Variants in DEPDC5 observed in about 807,000 individuals in gnomAD.
DEPDC5 encodes the protein DEP domain containing 5, GATOR1 subcomplex subunit.
Under a neutral mutation model 217.3 loss-of-function variants are expected in DEPDC5, and 73 were observed. That is an observed-to-expected ratio of 0.34 (90% CI 0.28 to 0.41). DEPDC5 has a LOEUF of 0.41. DEPDC5 is among the 10% of genes least tolerant of loss of function. The pLI, the probability that DEPDC5 is intolerant of heterozygous loss-of-function variation, is 1.00. For missense variants in DEPDC5, 1,675 were observed against 2,070.1 expected, an observed-to-expected ratio of 0.81 and a Z score of 3.70; for synonymous variants, 733 against 756.7, an observed-to-expected ratio of 0.97 and a Z score of 0.51.
In DEPDC5 at chr22:31,756,921, TAAA is replaced by T. The variant is rs1034148076; in HGVS notation, c.59-1620_59-1618del. ...GGGCAATAGAGCAAGACCCTGTCTT[TAAA>T]AAAATAAAAAATAATAAAAAAAAAA... On this transcript the variant is annotated intron_variant, in intron 2 of 42. Transcript: ENST00000651528. Among the ~76,000 whole-genome samples, 230 of 150,056 alleles carry T rather than the reference TAAA, an allele frequency of 1.5e-3. 1 individual carries two copies. The highest frequency in any genetic ancestry group is 5.4e-3 in the African/African-American group (217 of 40,394).
Position 31,881,048 on chromosome 22 carries a change from A to G in DEPDC5, c.4033+1296A>G, listed in dbSNP as rs371184371. Among the ~76,000 whole-genome samples, 8 of 148,238 alleles carry G rather than the reference A, an allele frequency of 5.4e-5. 1 individual carries two copies. The highest frequency in any genetic ancestry group is 1.0e-4 in the Non-Finnish European group (7 of 66,896). On this transcript the variant is annotated intron_variant, in intron 38 of 42. Coordinates refer to ENST00000651528, the MANE Select transcript of DEPDC5 (RefSeq NM_001242896.3). Reference sequence around the variant, plus strand: ...AAAAAAGGGCCAAACGCTGTGGCTCATGCCTGTAGCCCAGCACTTTGGGAG... The same window carrying G: ...AAAAAAGGGCCAAACGCTGTGGCTCGTGCCTGTAGCCCAGCACTTTGGGAG...
At chr22:31,845,338 C>T in intron 30 of DEPDC5, 101 bp downstream of exon 30, 2 of 1,404,636 alleles carry the variant, frequency 1.4e-6, no homozygotes, top group Non-Finnish European at 1.9e-6. Context: ...TTATTTACTC[C>T]TCAGCTGCCC....
In DEPDC5 at chr22:31,870,640, C is replaced by T; in HGVS notation, c.3381C>T (p.Gly1127=). The T allele has an allele frequency of 6.2e-7, 1 of 1,601,476 alleles. No homozygotes were observed. Among genetic ancestry groups the T allele is most frequent in the Non-Finnish European group, 8.5e-7 (1 of 1,174,704 alleles). The change falls in exon 34 of 43, where the codon GGC becomes GGT. Residue 1127 remains glycine, a synonymous_variant. Coordinates refer to ENST00000651528, the MANE Select transcript of DEPDC5 (RefSeq NM_001242896.3). ...ATPMLDGTSL[G]ICTGQSMDRG... ...CTATGTTGGACGGCACCAGTTTGGG[C>T]ATATGCACAGGCCAATCCATGGACA...
chr22:31,767,574 C>T (rs182348863), intron 6 of DEPDC5, among the ~76,000 whole-genome samples: 47 of 150,606 alleles, frequency 3.1e-4, no homozygotes, highest in Admixed American at 7.9e-4. Context: ...GGATTACAGG[C>T]GTGAGCCACC....
chr22:31,798,532 A>T, intron 13 of DEPDC5, 50 bp from the exon 14 acceptor site: 1 of 1,525,734 alleles, frequency 6.6e-7, no homozygotes, highest in Non-Finnish European at 9.0e-7. Flanking sequence ...TAAAAAAAAA[A>T]GTTCATGTTT....
At chr22:31,878,051 G>A (rs1335015139) in intron 37 of DEPDC5, among the ~76,000 whole-genome samples, 2 of 152,044 alleles carry the variant, frequency 1.3e-5, no homozygotes, top group Non-Finnish European at 2.9e-5. Context: ...GCTGGGCGTG[G>A]TGGCGCACGC....
chr22:31,764,280 A>G (rs1471878379), intron 4 of DEPDC5, among the ~76,000 whole-genome samples: 2 of 152,074 alleles, frequency 1.3e-5, no homozygotes, highest in African/African-American at 2.4e-5. Context: ...GCCCCATGTT[A>G]CGTTTCTTAC....
intron 37 of DEPDC5, among the ~76,000 whole-genome samples, chr22:31,877,312 C>G (rs2093021757): frequency 7.1e-6 from 1 of 141,164 alleles, no homozygotes; most frequent in Admixed American, 7.1e-5. Context: ...CGGCAGGCAC[C>G]TGTAATCCCA....
intron 29 of DEPDC5, 192 bp from the exon 30 acceptor site, chr22:31,844,826 A>T (rs2091628246): frequency 1.6e-6 from 1 of 613,600 alleles, no homozygotes; most frequent in African/African-American, 1.9e-5. Flanking sequence ...AAGTGCTGGG[A>T]TTATAGGTGT....
At position 31,874,511 on chromosome 22, in the gene DEPDC5, G is replaced by T. The variant is rs1040575241; in HGVS notation, c.3696+106G>T. 2.1e-6 allele frequency: 3 copies of T among 1,407,088 alleles called. No homozygotes were observed. The African/African-American group carries it at 4.4e-5, about 21-fold the overall frequency. 87.2% of individuals were successfully genotyped at this position (1,407,088 alleles called of 1,614,324 possible). A position where few individuals can be genotyped will look rare whatever the true frequency, so the allele number is the denominator to read the frequency against. On this transcript the variant is annotated intron_variant, in intron 36 of 42. Coordinates refer to ENST00000651528, the MANE Select transcript of DEPDC5 (RefSeq NM_001242896.3). Reference sequence around the variant, plus strand: ...TCCAGTAATGAGATCTGCAGGTTGGGGTGAGGATTTTTTTTAATAAGTGGG... The same window carrying T: ...TCCAGTAATGAGATCTGCAGGTTGGTGTGAGGATTTTTTTTAATAAGTGGG...
chr22:31,881,455 T>C (rs1486113986), intron 38 of DEPDC5, among the ~76,000 whole-genome samples: 1 of 152,128 alleles, frequency 6.6e-6, no homozygotes, highest in Non-Finnish European at 1.5e-5. Context: ...CATGACTTGC[T>C]CTTCTCCCTT....
intron 13 of DEPDC5, among the ~76,000 whole-genome samples, chr22:31,798,096 T>A (rs867786820): frequency 1.3e-5 from 2 of 152,096 alleles, no homozygotes; most frequent in Non-Finnish European, 2.9e-5. Context: ...AATTTTTTCA[T>A]TTTTTTGTAG....
chr22:31,844,377 C>T (rs1281206450), intron 29 of DEPDC5, among the ~76,000 whole-genome samples: 1 of 152,156 alleles, frequency 6.6e-6, no homozygotes, highest in Non-Finnish European at 1.5e-5. Flanking sequence ...CTGGGCAACA[C>T]AGCAAGACCT....
chr22:31,867,948 G>A (rs537128859), intron 33 of DEPDC5, among the ~76,000 whole-genome samples: 6 of 152,300 alleles, frequency 3.9e-5, no homozygotes, highest in Admixed American at 3.9e-4. Context: ...ATATGCATAA[G>A]AGCTGGTTCT....
intron 24 of DEPDC5, among the ~76,000 whole-genome samples, chr22:31,825,124 A>G (rs927094255): frequency 9.9e-5 from 15 of 152,162 alleles, no homozygotes; most frequent in South Asian, 4.1e-4. Flanking sequence ...TCTGGGACTC[A>G]TTTGACTATA....
chr22:31,833,789 G>T, intron 24 of DEPDC5, 126 bp from the exon 25 acceptor site: 1 of 707,750 alleles, frequency 1.4e-6, no homozygotes. Flanking sequence ...GAAATACTCA[G>T]CACAGAATTT....
At chr22:31,755,327 TGA>T in intron 2 of DEPDC5, 1 of 327,708 alleles carries the variant, frequency 3.1e-6, no homozygotes, top group South Asian at 3.2e-5. Flanking sequence ...TTACATTGAG[TGA>T]GAGAGAAGTG....
chr22:31,798,382 G>A (rs1479564863), intron 13 of DEPDC5, among the ~76,000 whole-genome samples, 200 bp from the exon 14 acceptor site: 1 of 152,116 alleles, frequency 6.6e-6, no homozygotes, highest in Non-Finnish European at 1.5e-5. Flanking sequence ...GCCTTGTGTG[G>A]TGGCGTGCGC....
chr22:31,776,028 G>A (rs1380775205), intron 7 of DEPDC5, among the ~76,000 whole-genome samples: 3 of 136,788 alleles, frequency 2.2e-5, no homozygotes, highest in African/African-American at 2.7e-5. Flanking sequence ...GCGACAGAGC[G>A]AGACTACATC....
Sources: gnomAD v4.1 joint callset for allele counts (sites outside exome capture counted in the v4.1 genomes callset) on GRCh38, gnomAD v4.1.1 for gene constraint, MANE v1.5 for transcripts, NCBI Gene and HGNC (gene_info 2026-07-23, HGNC 2026-07-21) for gene names.